The following GRID2 variants were observed in gnomAD, a reference collection of about 807,000 sequenced individuals.
GRID2 encodes glutamate ionotropic receptor delta type subunit 2, also known as glutamate receptor ionotropic, delta-2.
Under a neutral mutation model 114.8 loss-of-function variants are expected in GRID2, and 33 were observed. The ratio of observed to expected loss-of-function variants is 0.29; its 90% CI spans 0.22 to 0.38. The LOEUF (loss-of-function observed/expected upper bound fraction) is 0.38. Ranked by LOEUF, GRID2 falls within the 10% of genes least tolerant of loss-of-function variation. The pLI is 1.00. For synonymous variants in GRID2, 505 were observed against 449.9 expected (o/e 1.12, Z -1.55); for missense variants, 1,184 against 1,257.7 (o/e 0.94, Z 0.89).
intron 1 of GRID2, among the ~76,000 whole-genome samples, chr4:92,380,106 G>A (rs1334593055): frequency 6.6e-6 from 1 of 151,808 alleles, no homozygotes; most frequent in Non-Finnish European, 1.5e-5. Context: ...TGATTTGTTA[G>A]CATCAGCAAA....
chr4:93,810,305 A>T (rs144835755), downstream of GRID2: 3 of 152,322 alleles, frequency 2.0e-5, no homozygotes, highest in East Asian at 5.8e-4. Flanking sequence ...CTTGGTTGAT[A>T]TAATTTTCTT....
chr4:92,658,399 A>G (rs12648061), intron 2 of GRID2, among the ~76,000 whole-genome samples: 9,243 of 151,866 alleles, frequency 0.061, 338 homozygotes, highest in East Asian at 0.16. Context: ...GAGTGTGTCT[A>G]CTGAGCAAAC....
chr4:93,068,059 T>C (rs896384251), intron 2 of GRID2, among the ~76,000 whole-genome samples: 2 of 152,080 alleles, frequency 1.3e-5, no homozygotes, highest in Non-Finnish European at 2.9e-5. Flanking sequence ...ATATCCTTAA[T>C]AGTTGATTGA....
At chr4:93,035,275 C>A (rs554001844) in intron 2 of GRID2, among the ~76,000 whole-genome samples, 7 of 151,870 alleles carry the variant, frequency 4.6e-5, no homozygotes, top group Admixed American at 1.3e-4. Context: ...GCATGCCTGG[C>A]TAATTTTTCG....
At chr4:93,648,146 TA>T (rs1388456401) in intron 14 of GRID2, among the ~76,000 whole-genome samples, 1 of 152,102 alleles carries the variant, frequency 6.6e-6, no homozygotes, top group African/African-American at 2.4e-5. Flanking sequence ...TGGAAAATTA[TA>T]AACAGGAACA....
intron 2 of GRID2, among the ~76,000 whole-genome samples, chr4:92,590,924 G>C (rs1341690646): frequency 1.3e-5 from 2 of 152,218 alleles, no homozygotes; most frequent in South Asian, 4.1e-4. Context: ...TGAAGGTTTT[G>C]ATTGAAAGAT....
At chr4:93,395,779 A>T in intron 9 of GRID2, 71 bp downstream of exon 9, 1 of 694,358 alleles carries the variant, frequency 1.4e-6, no homozygotes. Flanking sequence ...TTCTTTATTA[A>T]CTGATGACAT....
chr4:93,433,094 C>T (rs1769578841), intron 10 of GRID2, among the ~76,000 whole-genome samples: 2 of 152,084 alleles, frequency 1.3e-5, no homozygotes, highest in South Asian at 4.1e-4. Context: ...GGTTCATTAA[C>T]TGTAACAAAT....
intron 8 of GRID2, among the ~76,000 whole-genome samples, chr4:93,267,385 C>T (rs1162768079): frequency 6.6e-6 from 1 of 152,076 alleles, no homozygotes; most frequent in East Asian, 1.9e-4. Context: ...GTCCTCGGGC[C>T]TCTGGAGAAA....
intron 14 of GRID2, among the ~76,000 whole-genome samples, chr4:93,759,777 A>G (rs185785937): frequency 1.0e-3 from 159 of 152,320 alleles, no homozygotes; most frequent in Non-Finnish European, 1.8e-3. Context: ...GGACATAAAG[A>G]TGTGTCATAC....
At chr4:93,183,583 C>T (rs1236757226) in intron 4 of GRID2, among the ~76,000 whole-genome samples, 1 of 152,126 alleles carries the variant, frequency 6.6e-6, no homozygotes, top group Non-Finnish European at 1.5e-5. Flanking sequence ...CCACAAGGTA[C>T]TTAATTACTG....
At chr4:93,317,179 A>G (rs1756747650) in intron 8 of GRID2, among the ~76,000 whole-genome samples, 1 of 152,088 alleles carries the variant, frequency 6.6e-6, no homozygotes, top group South Asian at 2.1e-4. Context: ...ATTATTGCAC[A>G]CCAGATGGAA....
intron 10 of GRID2, among the ~76,000 whole-genome samples, chr4:93,442,172 A>C (rs1221170881): frequency 6.6e-6 from 1 of 152,064 alleles, no homozygotes; most frequent in Non-Finnish European, 1.5e-5. Flanking sequence ...AATGATTGAA[A>C]ATTTTACTAT....
intron 2 of GRID2, among the ~76,000 whole-genome samples, chr4:92,805,224 A>AT (rs1254500408): frequency 6.6e-6 from 1 of 151,782 alleles, no homozygotes; most frequent in Non-Finnish European, 1.5e-5. Flanking sequence ...TTTCTGTGTG[A>AT]TTTTTTTGAT....
rs1725929037 is a variant in GRID2, at chr4:92,541,209, G to A, written c.89-48922G>A. ...TCTAATGTTAAATGACGAGTTACTG[G>A]GTGCAGCACACCAACATGGCACATG... On this transcript the variant is annotated intron_variant, in intron 1 of 15. Coordinates refer to ENST00000282020, the MANE Select transcript of GRID2 (RefSeq NM_001510.4). Among the ~76,000 whole-genome samples the A allele has an allele frequency of 2.6e-5, 4 of 151,768 alleles. No homozygotes were observed. In the South Asian group the frequency reaches 6.3e-4, roughly 24 times the overall value.
chr4:93,226,540 G>T (rs1056350578), intron 7 of GRID2, among the ~76,000 whole-genome samples: 3 of 152,134 alleles, frequency 2.0e-5, no homozygotes, highest in Non-Finnish European at 2.9e-5. Context: ...GATTGGGCCC[G>T]CAAGGCCTCA....
At chr4:93,009,457 GA>G (rs149782404) in intron 2 of GRID2, among the ~76,000 whole-genome samples, 1 of 152,226 alleles carries the variant, frequency 6.6e-6, no homozygotes, top group African/African-American at 2.4e-5. Context: ...TACAAAGCCA[GA>G]ACCTGAATGG....
intron 10 of GRID2, among the ~76,000 whole-genome samples, chr4:93,426,714 A>T (rs1768880523): frequency 6.6e-6 from 1 of 152,118 alleles, no homozygotes; most frequent in South Asian, 2.1e-4. Flanking sequence ...ATAAACAATC[A>T]ATTTCAATGT....
chr4:92,912,098 T>G (rs2149491875), intron 2 of GRID2, among the ~76,000 whole-genome samples: 1 of 152,040 alleles, frequency 6.6e-6, no homozygotes, highest in South Asian at 2.1e-4. Context: ...ACTATATTAT[T>G]GCTGAAGACA....
Sources: allele counts gnomAD v4.1 joint callset (sites outside exome capture counted in the v4.1 genomes callset), GRCh38; gene constraint gnomAD v4.1.1; transcripts MANE v1.5; gene names NCBI Gene and HGNC (gene_info 2026-07-23, HGNC 2026-07-21).